ELOC: variants seen among roughly 807,000 people sequenced by gnomAD.
ELOC encodes the protein elongin-C.
For missense variants in ELOC, 38 were observed against 139.0 expected, an observed-to-expected ratio of 0.27 and a Z score of 3.65; for synonymous variants, 40 against 51.3, an observed-to-expected ratio of 0.78 and a Z score of 0.94.
chr8:73,965,036 C>CAAAA (rs61081733), intron 1 of ELOC, among the ~76,000 whole-genome samples: 3,145 of 81,192 alleles, frequency 0.039, 85 homozygotes, highest in African/African-American at 0.054. Flanking sequence ...AAAAACAAAC[C>CAAAA]AAAAAAAAAA....
chr8:73,960,522 G>T (rs1259395549), intron 1 of ELOC, among the ~76,000 whole-genome samples: 2 of 152,122 alleles, frequency 1.3e-5, no homozygotes, highest in African/African-American at 4.8e-5. Flanking sequence ...CCAGTTGGAG[G>T]GGTGCTGAAG....
intron 1 of ELOC, among the ~76,000 whole-genome samples, chr8:73,963,905 C>T (rs1814780851): frequency 6.6e-6 from 1 of 151,880 alleles, no homozygotes; most frequent in Non-Finnish European, 1.5e-5. Context: ...CTAGCCTGAC[C>T]AACATGGTGA....
At chr8:73,967,187 T>C (rs570930931) in intron 1 of ELOC, among the ~76,000 whole-genome samples, 4 of 152,200 alleles carry the variant, frequency 2.6e-5, no homozygotes, top group Non-Finnish European at 5.9e-5. Flanking sequence ...GGCACTGCTC[T>C]ACATGCTTGG....
intron 3 of ELOC, among the ~76,000 whole-genome samples, chr8:73,951,209 T>C (rs559820696): frequency 6.6e-6 from 1 of 152,192 alleles, no homozygotes; most frequent in South Asian, 2.1e-4. Context: ...GAGGCAGAGG[T>C]TGCAGTGAGC....
intron 2 of ELOC, 42 bp from the exon 3 acceptor site, chr8:73,956,096 G>C: frequency 6.3e-7 from 1 of 1,592,858 alleles, no homozygotes; most frequent in Non-Finnish European, 8.6e-7. Flanking sequence ...GAGTCACACA[G>C]TGTACTAAAA....
rs772876466 is a variant in ELOC, at chr8:73,945,897, G to A, written c.*733C>T. 2.0e-5 allele frequency: 3 copies of A among 151,440 alleles called. No homozygotes were observed. Among genetic ancestry groups the A allele is most frequent in the Non-Finnish European group, 4.4e-5 (3 of 68,006 alleles). 9.4% of individuals were successfully genotyped at this position (151,440 alleles called of 1,614,324 possible). On this transcript the variant is annotated 3_prime_UTR_variant, in exon 4 of 4. Coordinates refer to ENST00000520242, the MANE Select transcript of ELOC (RefSeq NM_005648.4). ...TGAAGGAAGAATAAATATTGCAAACGACGCTTTATAGTCAATGCAAATACA... is the reference window on the plus strand; with the variant it reads ...TGAAGGAAGAATAAATATTGCAAACAACGCTTTATAGTCAATGCAAATACA...
rs1813311336 is a variant in ELOC, at chr8:73,945,167, G to A, written c.*1463C>T. 6.9e-6 allele frequency: 1 copy of A among 145,266 alleles called. No individual in the cohort carries two copies. Among genetic ancestry groups the A allele is most frequent in the South Asian group, 2.2e-4 (1 of 4,562 alleles). The allele number at this position is 145,266 out of a possible 1,614,324, so 9.0% of individuals were successfully genotyped here. The stretch of plus-strand genomic sequence containing the variant: ...CAGTCTCGCTCTGTCACCCAGGCTG[G>A]AGTGCAGTGGTGCGATCTCGGCTCA... On this transcript the variant is annotated 3_prime_UTR_variant, in exon 4 of 4. Transcript: ENST00000520242.
intron 1 of ELOC, among the ~76,000 whole-genome samples, chr8:73,961,497 T>C (rs913528111): frequency 3.3e-5 from 5 of 152,148 alleles, no homozygotes; most frequent in African/African-American, 4.8e-5. Context: ...GAGACAGATA[T>C]TCAAAGTACC....
Position 73,960,980 on chromosome 8 carries a change from A to C in ELOC, c.-50-1162T>G, listed in dbSNP as rs568708571. Among the ~76,000 whole-genome samples, 3 of 152,202 alleles carry C rather than the reference A, an allele frequency of 2.0e-5. No individual in the cohort carries two copies. The East Asian group carries it at 5.8e-4, about 29-fold the overall frequency. On this transcript the variant is annotated intron_variant, in intron 1 of 3. Coordinates refer to ENST00000520242, the MANE Select transcript of ELOC (RefSeq NM_005648.4). The stretch of plus-strand genomic sequence containing the variant: ...TAAATAAATAAATAAGAAAAAAGAG[A>C]AGTCTTGCTCTTTACTTAGATAAGT...
At chr8:73,951,259 G>A (rs545428169) in intron 3 of ELOC, among the ~76,000 whole-genome samples, 14 of 152,140 alleles carry the variant, frequency 9.2e-5, no homozygotes, top group East Asian at 5.8e-4. Context: ...GAGATAGAGC[G>A]AAAGACTGGC....
chr8:73,954,482 C>T (rs748264634), intron 3 of ELOC, among the ~76,000 whole-genome samples: 1 of 151,546 alleles, frequency 6.6e-6, no homozygotes, highest in African/African-American at 2.4e-5. Context: ...GGTGAAACCC[C>T]GTCTCTACTA....
chr8:73,956,924 G>A (rs1218377099), intron 2 of ELOC, among the ~76,000 whole-genome samples: 1 of 151,992 alleles, frequency 6.6e-6, no homozygotes. Context: ...GGTGGATCAC[G>A]ACGTCAGGAG....
chr8:73,952,919 A>G (rs74512258), intron 3 of ELOC, among the ~76,000 whole-genome samples: 9,905 of 152,238 alleles, frequency 0.065, 482 homozygotes, highest in Admixed American at 0.16. Context: ...AAAAGACTTG[A>G]ATAGACATTT....
At chr8:73,959,714 A>G (rs1201290391) in intron 2 of ELOC, 51 bp downstream of exon 2, 1 of 1,471,280 alleles carries the variant, frequency 6.8e-7, no homozygotes, top group African/African-American at 1.4e-5. Flanking sequence ...TCTTTGAAAC[A>G]AAGTCCAGTT....
intron 2 of ELOC, 22 bp from the exon 3 acceptor site, chr8:73,956,076 AAC>A: frequency 6.2e-7 from 1 of 1,603,852 alleles, no homozygotes; most frequent in South Asian, 1.1e-5. Flanking sequence ...TAAGTAGTGA[AAC>A]AATTTTTGAG....
intron 1 of ELOC, chr8:73,969,669 T>C (rs1815226456): frequency 6.6e-6 from 1 of 152,224 alleles, no homozygotes; most frequent in African/African-American, 2.4e-5. Context: ...CCTTCCCTGA[T>C]GATCCTACCA....
intron 3 of ELOC, among the ~76,000 whole-genome samples, chr8:73,949,184 T>C (rs924977468): frequency 2.0e-5 from 3 of 152,234 alleles, no homozygotes; most frequent in African/African-American, 4.8e-5. Flanking sequence ...CTAAAATATA[T>C]ACAAAATGCC....
intron 2 of ELOC, among the ~76,000 whole-genome samples, 160 bp downstream of exon 2, chr8:73,959,605 A>C (rs190349652): frequency 6.6e-6 from 1 of 152,190 alleles, no homozygotes; most frequent in African/African-American, 2.4e-5. Context: ...CCGAAAAATC[A>C]TTATGTAGGG....
At chr8:73,952,357 A>C (rs1813831768) in intron 3 of ELOC, among the ~76,000 whole-genome samples, 1 of 151,828 alleles carries the variant, frequency 6.6e-6, no homozygotes, top group African/African-American at 2.4e-5. Context: ...CAGTGAGCCG[A>C]GATTGAGCCA....
Sources: allele counts gnomAD v4.1 joint callset (sites outside exome capture counted in the v4.1 genomes callset), GRCh38; gene constraint gnomAD v4.1.1; transcripts MANE v1.5; gene names NCBI Gene and HGNC (gene_info 2026-07-23, HGNC 2026-07-21).